RBFOX1: variants seen among roughly 807,000 people sequenced by gnomAD.
RBFOX1 encodes the protein RNA binding protein fox-1 homolog 1.
Under a neutral mutation model 57.7 loss-of-function variants are expected in RBFOX1, and 8 were observed. The observed-to-expected ratio is 0.14, with a 90% confidence interval of 0.08 to 0.25. RBFOX1 has a LOEUF of 0.25. RBFOX1 is among the 10% of genes least tolerant of loss of function. RBFOX1 has a pLI of 1.00. For missense variants in RBFOX1, 611 were observed against 548.5 expected (o/e 1.11, Z -1.14); for synonymous variants, 326 against 222.4 (o/e 1.47, Z -4.15).
At chr16:6,007,357 G>T (rs953239751) in intron 4 of RBFOX1, among the ~76,000 whole-genome samples, 1 of 152,142 alleles carries the variant, frequency 6.6e-6, no homozygotes, top group African/African-American at 2.4e-5. Context: ...ACATGACAAG[G>T]CACTGAGGGT....
At chr16:7,207,368 A>C (rs1603141108) in intron 4 of RBFOX1, among the ~76,000 whole-genome samples, 1 of 152,282 alleles carries the variant, frequency 6.6e-6, no homozygotes, top group East Asian at 1.9e-4. Flanking sequence ...CCCTTCCAAG[A>C]ATCTTTATTT....
At chr16:5,886,169 A>G (rs2057894292) in intron 4 of RBFOX1, among the ~76,000 whole-genome samples, 1 of 152,156 alleles carries the variant, frequency 6.6e-6, no homozygotes, top group African/African-American at 2.4e-5. Context: ...CAGTCAATTA[A>G]GCCTCTATTC....
intron 1 of RBFOX1, among the ~76,000 whole-genome samples, chr16:5,396,695 C>G (rs562823016): frequency 1.3e-5 from 2 of 152,212 alleles, no homozygotes; most frequent in South Asian, 2.1e-4. Flanking sequence ...CAAGACCCCT[C>G]CCTACCTTAT....
At chr16:7,105,381 G>A (rs1272949958) in intron 4 of RBFOX1, among the ~76,000 whole-genome samples, 2 of 149,790 alleles carry the variant, frequency 1.3e-5, no homozygotes, top group Non-Finnish European at 3.0e-5. Context: ...TTGGTTACAT[G>A]AATAAGTTCT....
At chr16:5,670,518 A>G (rs1035088450) in intron 3 of RBFOX1, among the ~76,000 whole-genome samples, 1 of 152,210 alleles carries the variant, frequency 6.6e-6, no homozygotes, top group Admixed American at 6.5e-5. Flanking sequence ...TTGTCTCTTA[A>G]GCCACAAGCC....
At chr16:5,795,084 T>C (rs574193737) in intron 3 of RBFOX1, among the ~76,000 whole-genome samples, 1 of 152,204 alleles carries the variant, frequency 6.6e-6, no homozygotes, top group East Asian at 1.9e-4. Flanking sequence ...CAGTTTCTCA[T>C]GTGGAGAATG....
intron 1 of RBFOX1, among the ~76,000 whole-genome samples, chr16:6,138,038 G>T (rs756297834): frequency 3.9e-5 from 6 of 152,196 alleles, no homozygotes; most frequent in Non-Finnish European, 4.4e-5. Flanking sequence ...TCAATCCTAG[G>T]TGGTCTGGCT....
At chr16:6,995,727 C>G (rs982667191) in intron 3 of RBFOX1, among the ~76,000 whole-genome samples, 2 of 152,012 alleles carry the variant, frequency 1.3e-5, no homozygotes, top group Non-Finnish European at 2.9e-5. Context: ...TGCCACCGCA[C>G]TGCAGCCTGG....
intron 3 of RBFOX1, among the ~76,000 whole-genome samples, chr16:6,859,162 T>TACGTATATATATACGTATATATAC (rs2058519828): frequency 2.2e-5 from 2 of 90,112 alleles, no homozygotes; most frequent in African/African-American, 1.3e-4. Flanking sequence ...TGTATATATA[T>TACGTATATATATACGTATATATAC]ACGTATATAT....
chr16:5,775,380 G>A (rs948794079), intron 3 of RBFOX1, among the ~76,000 whole-genome samples: 49 of 152,314 alleles, frequency 3.2e-4, no homozygotes, highest in Middle Eastern at 6.8e-3. Context: ...GAGAAGGCAG[G>A]TGGAACAGAG....
rs1338839393 is a variant in RBFOX1 at position 7,052,109 on chromosome 16, C to T, written c.27+11C>T. ...AGAGAGCAGCTAAGGGTAGGTGCAC[C>T]TGCTTGTAAAATGCTTCCTGATTCT... is the stretch of plus-strand genomic sequence containing the variant. On this transcript the variant is annotated intron_variant, in intron 4 of 15. Coordinates refer to ENST00000550418, the MANE Select transcript of RBFOX1 (RefSeq NM_018723.4). The T allele has an allele frequency of 6.3e-7, 1 of 1,594,454 alleles. No homozygotes were observed. Among genetic ancestry groups the T allele is most frequent in the Non-Finnish European group, 8.5e-7 (1 of 1,174,720 alleles).
intron 3 of RBFOX1, among the ~76,000 whole-genome samples, chr16:5,698,658 G>A (rs577564775): frequency 6.6e-6 from 1 of 152,236 alleles, no homozygotes; most frequent in African/African-American, 2.4e-5. Flanking sequence ...AATGTCTGTA[G>A]CAATACTGTT....
intron 5 of RBFOX1, among the ~76,000 whole-genome samples, chr16:7,520,263 G>C (rs1175569323): frequency 6.6e-6 from 1 of 152,020 alleles, no homozygotes; most frequent in Non-Finnish European, 1.5e-5. Context: ...ATTTATTGTG[G>C]TAAAATACAT....
At chr16:6,866,515 A>G (rs1289250898) in intron 3 of RBFOX1, among the ~76,000 whole-genome samples, 1 of 146,696 alleles carries the variant, frequency 6.8e-6, no homozygotes, top group Non-Finnish European at 1.5e-5. Flanking sequence ...AAAAAAAAAA[A>G]TAAGGTTAGG....
At chr16:6,840,909 A>AAAAAAGAAG in intron 3 of RBFOX1, among the ~76,000 whole-genome samples, 1 of 151,394 alleles carries the variant, frequency 6.6e-6, no homozygotes, top group Admixed American at 6.6e-5. Context: ...AAAAAACGAA[A>AAAAAAGAAG]AAAGGTTTGA....
rs114536666 is a variant in RBFOX1, at chr16:7,419,309, C to T, written c.28-98838C>T. 5.3e-3 allele frequency among the ~76,000 whole-genome samples: 802 copies of T among 152,292 alleles called. 4 individuals are homozygous for T. The highest frequency in any genetic ancestry group is 0.018 in the African/African-American group (761 of 41,550). ...CTCTTCAATCATTGCAACAGTGACA[C>T]TCCCCTTAGCTGGGCATCAAACACA... On this transcript the variant is annotated intron_variant, in intron 4 of 15. Transcript: ENST00000550418.
intron 1 of RBFOX1, 75 bp from the exon 2 acceptor site, chr16:6,316,920 A>G (rs1460074343): frequency 3.1e-6 from 4 of 1,292,560 alleles, no homozygotes; most frequent in African/African-American, 3.0e-5. Context: ...CCATATTACT[A>G]TGACAAAAAA....
rs554977183 is a variant in RBFOX1, at chr16:5,921,051, TTGG to T, written c.351+53720_351+53722del. Among the ~76,000 whole-genome samples the T allele has an allele frequency of 3.2e-4, 49 of 152,294 alleles. No homozygotes were observed. In the South Asian group the frequency reaches 1.0e-2, roughly 31 times the overall value. On this transcript the variant is annotated intron_variant, in intron 4 of 19. Transcript: ENST00000641259. ...TAATTCCTGCTCCGTCTCTGATGTGTTGGTGGGAATCTAACTTAGCCCTTCCAA... is the reference window on the plus strand; with the variant it reads ...TAATTCCTGCTCCGTCTCTGATGTGTTGGGAATCTAACTTAGCCCTTCCAA...
rs60637926 is a variant in RBFOX1, at chr16:6,344,407, C to CTTTTTTTTTTTTTTTTTTTTT, written c.-64+27362_-64+27363insTTTTTTTTTTTTTTTTTTTTT. On this transcript the variant is annotated intron_variant, in intron 2 of 15. Coordinates refer to ENST00000550418, the MANE Select transcript of RBFOX1 (RefSeq NM_018723.4). ...TCTCTTCTTCTTTTTTCTTTTTTTT[C>CTTTTTTTTTTTTTTTTTTTTT]TTTTTTTTTTTTGAGACAGAGTCTC... is the stretch of plus-strand genomic sequence containing the variant. Among the ~76,000 whole-genome samples, 339 of 109,816 alleles carry CTTTTTTTTTTTTTTTTTTTTT rather than the reference C, an allele frequency of 3.1e-3. 16 individuals carry two copies. Among genetic ancestry groups the CTTTTTTTTTTTTTTTTTTTTT allele is most frequent in the African/African-American group, 0.01 (231 of 22,970 alleles). The allele number at this position is 109,816 out of a possible 152,430, so 72.0% of individuals were successfully genotyped here.
Sources: allele counts gnomAD v4.1 joint callset (sites outside exome capture counted in the v4.1 genomes callset), GRCh38; gene constraint gnomAD v4.1.1; transcripts MANE v1.5; gene names NCBI Gene and HGNC (gene_info 2026-07-23, HGNC 2026-07-21).